The following THRB variants were observed in gnomAD, a reference collection of about 807,000 sequenced individuals.
The protein encoded by THRB is thyroid hormone receptor beta.
THRB carries 12 observed loss-of-function variants against 47.8 expected under a neutral mutation model. The observed-to-expected ratio is 0.25, with a 90% confidence interval of 0.16 to 0.41. THRB has a LOEUF of 0.41. Ranked by LOEUF, THRB falls within the 10% of genes least tolerant of loss-of-function variation. The probability of loss-of-function intolerance (pLI) is 1.00; values close to 1 mark genes in which losing one functional copy is unlikely to be tolerated. For synonymous variants in THRB, 218 were observed against 212.2 expected (o/e 1.03, Z -0.24); for missense variants, 348 against 589.2 (o/e 0.59, Z 4.24).
intron 1 of THRB, among the ~76,000 whole-genome samples, chr3:24,378,852 A>G (rs1428767649): frequency 1.3e-5 from 2 of 152,172 alleles, no homozygotes; most frequent in South Asian, 2.1e-4. Flanking sequence ...ATTAGGGAGA[A>G]ATCTAGAAAT....
chr3:24,387,069 A>G (rs1442223876), intron 1 of THRB, among the ~76,000 whole-genome samples: 1 of 152,114 alleles, frequency 6.6e-6, no homozygotes, highest in Non-Finnish European at 1.5e-5. Flanking sequence ...CATGCTCTCC[A>G]TGGCTCTACA....
chr3:24,126,464 T>C (rs1486078981), intron 10 of THRB, among the ~76,000 whole-genome samples: 3 of 152,200 alleles, frequency 2.0e-5, no homozygotes, highest in Non-Finnish European at 4.4e-5. Flanking sequence ...GTGACCGATA[T>C]TTTATCCACA....
intron 1 of THRB, among the ~76,000 whole-genome samples, chr3:24,427,860 T>C (rs2069925480): frequency 6.6e-6 from 1 of 152,060 alleles, no homozygotes; most frequent in African/African-American, 2.4e-5. Context: ...TCTTATTCTT[T>C]CTTGATTCAC....
intron 3 of THRB, among the ~76,000 whole-genome samples, chr3:24,273,653 C>A (rs551305266): frequency 6.6e-6 from 1 of 152,162 alleles, no homozygotes; most frequent in African/African-American, 2.4e-5. Flanking sequence ...GTTTCATAGT[C>A]TTTATTGATC....
chr3:24,455,590 G>T (rs1272858703), intron 1 of THRB, among the ~76,000 whole-genome samples: 4 of 152,134 alleles, frequency 2.6e-5, no homozygotes, highest in Non-Finnish European at 5.9e-5. Flanking sequence ...AATCAGACTA[G>T]ACAATCTGTT....
Position 24,145,083 on chromosome 3 carries a change from T to C in THRB, c.533-1377A>G, listed in dbSNP as rs766691622. Among the ~76,000 whole-genome samples the C allele has an allele frequency of 2.0e-4, 30 of 151,206 alleles. 1 individual carries two copies. The highest frequency in any genetic ancestry group is 7.0e-4 in the African/African-American group (29 of 41,192). ...AATATGAATGAGCCCTGTTAAGTCATTTTGGTTCAGTTACTAAAGGGAAAG... is the reference window on the plus strand; with the variant it reads ...AATATGAATGAGCCCTGTTAAGTCACTTTGGTTCAGTTACTAAAGGGAAAG... On this transcript the variant is annotated intron_variant, in intron 7 of 10. Transcript: ENST00000646209.
chr3:24,453,939 C>G (rs1382944590), intron 1 of THRB, among the ~76,000 whole-genome samples: 1 of 152,130 alleles, frequency 6.6e-6, no homozygotes, highest in Admixed American at 6.6e-5. Context: ...AGGGTACTTT[C>G]TTGACCCCTT....
intron 1 of THRB, among the ~76,000 whole-genome samples, chr3:24,409,968 G>A (rs1203689359): frequency 6.6e-6 from 1 of 151,818 alleles, no homozygotes; most frequent in African/African-American, 2.4e-5. Context: ...TTGATGAGGT[G>A]AGGTAAATGC....
intron 2 of THRB, among the ~76,000 whole-genome samples, chr3:24,316,861 T>C (rs2058151722): frequency 1.3e-5 from 2 of 152,184 alleles, no homozygotes; most frequent in Non-Finnish European, 2.9e-5. Flanking sequence ...CTATGCCTTA[T>C]CACAACTCAG....
rs903563409 is a variant in THRB at position 24,120,037 on chromosome 3, T to C, written c.*2847A>G. ...AAGGGTATCTCCATCAGGTCCACAC[T>C]GGATTTGCAAGTCTGGACAATAGAT... On this transcript the variant is annotated 3_prime_UTR_variant, in exon 11 of 11. Coordinates refer to ENST00000646209, the MANE Select transcript of THRB (RefSeq NM_001354712.2). 2 of 152,198 alleles carry C rather than the reference T, an allele frequency of 1.3e-5. No individual in the cohort carries two copies. Among genetic ancestry groups the C allele is most frequent in the African/African-American group, 4.8e-5 (2 of 41,438 alleles). The allele number at this position is 152,198 out of a possible 1,614,324, so 9.4% of individuals were successfully genotyped here. A position where few individuals can be genotyped will look rare whatever the true frequency, so the allele number is the denominator to read the frequency against.
intron 2 of THRB, among the ~76,000 whole-genome samples, chr3:24,313,051 TG>T (rs1352695086): frequency 1.3e-5 from 2 of 152,104 alleles, no homozygotes; most frequent in Admixed American, 1.3e-4. Context: ...AGTTTGGATT[TG>T]GGGGTGAGGG....
chr3:24,143,439 A>G, intron 8 of THRB, 62 bp downstream of exon 8: 1 of 1,516,726 alleles, frequency 6.6e-7, no homozygotes, highest in Non-Finnish European at 9.2e-7. Flanking sequence ...ATGAGGACTG[A>G]ATAAATTGAG....
intron 5 of THRB, among the ~76,000 whole-genome samples, chr3:24,174,373 A>G (rs1477263519): frequency 1.3e-5 from 2 of 152,102 alleles, no homozygotes; most frequent in South Asian, 2.1e-4. Context: ...TGCTGTTACT[A>G]TTTTAATTAA....
rs1246302484 is a variant in THRB, at chr3:24,121,599, G to A, written c.*1285C>T. On this transcript the variant is annotated 3_prime_UTR_variant, in exon 11 of 11. Transcript: ENST00000646209. The stretch of plus-strand genomic sequence containing the variant: ...GAGGCAGGTTGGGCAGGAAAGTTAA[G>A]TGTGCACATGGTCTGCAGGTGTTTT... The A allele has an allele frequency of 6.6e-6, 1 of 152,534 alleles. No homozygotes were observed. The highest frequency in any genetic ancestry group is 1.9e-4 in the East Asian group (1 of 5,208). The allele number at this position is 152,534 out of a possible 1,614,324, so 9.4% of individuals were successfully genotyped here.
At chr3:24,353,027 GACA>G (rs1258304644) in intron 1 of THRB, among the ~76,000 whole-genome samples, 2 of 151,836 alleles carry the variant, frequency 1.3e-5, no homozygotes, top group Non-Finnish European at 2.9e-5. Context: ...TCTCTTTAAT[GACA>G]ACTTCAGGGG....
At chr3:24,425,115 A>T (rs530295688) in intron 1 of THRB, among the ~76,000 whole-genome samples, 2 of 151,928 alleles carry the variant, frequency 1.3e-5, no homozygotes, top group African/African-American at 4.8e-5. Flanking sequence ...AATTGTTTAC[A>T]TCCATGATGC....
intron 1 of THRB, among the ~76,000 whole-genome samples, chr3:24,471,432 T>C (rs1245455617): frequency 6.6e-6 from 1 of 152,244 alleles, no homozygotes; most frequent in African/African-American, 2.4e-5. Context: ...AAATTAATAA[T>C]TGATAGTCTT....
At chr3:24,344,980 G>GA (rs940724825) in intron 1 of THRB, among the ~76,000 whole-genome samples, 12 of 149,508 alleles carry the variant, frequency 8.0e-5, no homozygotes, top group South Asian at 2.1e-4. Flanking sequence ...CTTAGCAGGG[G>GA]AAAAAAAAAA....
chr3:24,393,814 G>A (rs2066756045), intron 1 of THRB, among the ~76,000 whole-genome samples: 1 of 152,144 alleles, frequency 6.6e-6, no homozygotes, highest in Non-Finnish European at 1.5e-5. Context: ...TAATGTAGGA[G>A]ATGGATCTGA....
Sources: allele counts gnomAD v4.1 joint callset (sites outside exome capture counted in the v4.1 genomes callset), GRCh38; gene constraint gnomAD v4.1.1; transcripts MANE v1.5; gene names NCBI Gene and HGNC (gene_info 2026-07-23, HGNC 2026-07-21).